LYST: variants seen among roughly 807,000 people sequenced by gnomAD.
The protein encoded by LYST is lysosomal-trafficking regulator.
In LYST, 192 loss-of-function variants were observed where a neutral mutation model predicts 413.6. The ratio of observed to expected loss-of-function variants is 0.46; its 90% CI spans 0.41 to 0.52. The LOEUF is 0.52. Ranked by LOEUF, LYST falls within the 20% of genes least tolerant of loss-of-function variation. The pLI is 0.00. For synonymous variants in LYST, 1,525 were observed against 1,567.3 expected (o/e 0.97, Z 0.64); for missense variants, 3,815 against 4,499.9 (o/e 0.85, Z 4.35).
intron 5 of LYST, among the ~76,000 whole-genome samples, chr1:235,808,215 T>G (rs1001767174): frequency 1.3e-5 from 2 of 152,164 alleles, no homozygotes; most frequent in African/African-American, 4.8e-5. Context: ...CATACATACA[T>G]AAACAAATGG....
rs1379423854 is a variant in LYST at position 235,702,791 on chromosome 1, C to T, written c.10330G>A (p.Ala3444Thr). Residue 3444 changes from alanine to threonine, a missense_variant, in exon 45 of 53, where the codon GCT (alanine) becomes ACT (threonine). Physicochemically the swap from Ala to Thr is moderately conservative, Grantham distance 58. Transcript: ENST00000389793. ...PAAVGLLVQF[A>T]FRETREQVKE... ...ACCTGTTCTCGGGTCTCCCTGAAAG[C>T]AAACTGCACTAGCAACCCCACAGCA... 5 of 1,614,068 alleles carry T rather than the reference C, an allele frequency of 3.1e-6. No homozygotes were observed. Among genetic ancestry groups the T allele is most frequent in the Admixed American group, 1.7e-5 (1 of 59,998 alleles).
rs572719078 is a variant in LYST at position 235,751,596 on chromosome 1, T to C, written c.7628-234A>G. Among the ~76,000 whole-genome samples, 6 of 152,352 alleles carry C rather than the reference T, an allele frequency of 3.9e-5. No homozygotes were observed. The South Asian group carries it at 1.2e-3, about 32-fold the overall frequency. ...AAAAATATTAGCTCATAAATTTATTTCATTTTAAAAATTGTTTCAAAGAAC... is the reference window on the plus strand; with the variant it reads ...AAAAATATTAGCTCATAAATTTATTCCATTTTAAAAATTGTTTCAAAGAAC... On this transcript the variant is annotated intron_variant, in intron 27 of 52. Transcript: ENST00000389793.
chr1:235,709,253 G>T lies in LYST; in HGVS notation c.9981C>A (p.Pro3327=). 1 of 1,614,024 alleles carries T rather than the reference G, an allele frequency of 6.2e-7. No individual in the cohort carries two copies. The highest frequency in any genetic ancestry group is 8.5e-7 in the Non-Finnish European group (1 of 1,179,996). ...GACGAGGATCATTACGCGCCCAAGG[G>T]GGAAGGTTGACGTGATTAACCCGTT... ...NGERVNHVNL[P]PWARNDPRLF... The change falls in exon 44 of 53, where the codon CCC becomes CCA. Residue 3327 remains proline (P), a synonymous_variant. Coordinates refer to ENST00000389793, the MANE Select transcript of LYST (RefSeq NM_000081.4).
chr1:235,780,287 C>T (rs1669710713), intron 16 of LYST, among the ~76,000 whole-genome samples: 1 of 151,650 alleles, frequency 6.6e-6, no homozygotes, highest in Non-Finnish European at 1.5e-5. Context: ...GACCACAGGC[C>T]CGGCCACTTG....
intron 1 of LYST, among the ~76,000 whole-genome samples, chr1:235,857,195 T>C (rs1466988718): frequency 1.3e-5 from 2 of 152,086 alleles, no homozygotes; most frequent in African/African-American, 4.8e-5. Context: ...AGAGCCATCT[T>C]AGGCAAATCA....
At chr1:235,863,225 T>C (rs1280241577) in intron 1 of LYST, among the ~76,000 whole-genome samples, 1 of 151,758 alleles carries the variant, frequency 6.6e-6, no homozygotes, top group Non-Finnish European at 1.5e-5. Context: ...ACCCCATCTC[T>C]GCTAAAAACA....
chr1:235,737,523 G>A (rs977644572), intron 31 of LYST: 1 of 152,258 alleles, frequency 6.6e-6, no homozygotes, highest in Admixed American at 6.5e-5. Context: ...GGTCTTCTTG[G>A]GAGGGAAGTT....
intron 1 of LYST, among the ~76,000 whole-genome samples, chr1:235,860,359 C>T (rs1679719876): frequency 6.6e-6 from 1 of 152,114 alleles, no homozygotes; most frequent in African/African-American, 2.4e-5. Flanking sequence ...CATTATCACC[C>T]AAAGTCCACA....
In LYST at chr1:235,809,923, A is replaced by T; in HGVS notation, c.895T>A (p.Cys299Ser). The T allele has an allele frequency of 6.2e-7, 1 of 1,614,026 alleles. No homozygotes were observed. The highest frequency in any genetic ancestry group is 8.5e-7 in the Non-Finnish European group (1 of 1,179,988). The change falls in exon 5 of 53, where the codon TGC becomes AGC. Residue 299 changes from cysteine (C) to serine (S), a missense_variant. Cys to Ser is a moderately radical substitution (Grantham distance 112). Coordinates refer to ENST00000389793, the MANE Select transcript of LYST (RefSeq NM_000081.4). This position sits in a 1 kb window ranked among gnomAD's most constrained non-coding sequence, Gnocchi z 4.0. ...TCCAAGTTGTCGCTCAGACTGCAGC[A>T]GTCCCCAAAGCCTGCTAGGAATTCA... Reference protein sequence around the residue: ...LTEFLAGFGDCCSLSDNLESR... With the variant: ...LTEFLAGFGDSCSLSDNLESR...
At position 235,697,097 on chromosome 1, in the gene LYST, T is replaced by C. The variant is rs756551414; in HGVS notation, c.10550A>G (p.Tyr3517Cys). The C allele has an allele frequency of 2.0e-5, 32 of 1,613,936 alleles. No homozygotes were observed. The highest frequency in any genetic ancestry group is 4.5e-5 in the East Asian group (2 of 44,894). The change falls in exon 46 of 53, where the codon TAT (tyrosine) becomes TGT (cysteine). Residue 3517 changes from tyrosine to cysteine, a missense_variant. Transcript: ENST00000389793. ...TTTTATTTTACCTTGTTCCTTGCTATATGTCATCAGAAGACAGAAATTCCG... is the reference window on the plus strand; with the variant it reads ...TTTTATTTTACCTTGTTCCTTGCTACATGTCATCAGAAGACAGAAATTCCG... ...LSRNFCLLMT[Y>C]SKEQGVRSMN... is the part of the protein sequence containing the mutation.
At chr1:235,793,666 A>C (rs1671259498) in intron 10 of LYST, 54 bp from the exon 11 acceptor site, 1 of 913,324 alleles carries the variant, frequency 1.1e-6, no homozygotes. Context: ...TAGAGGAATA[A>C]ATGAGCAATT....
chr1:235,798,997 G>T (rs1671895877), intron 10 of LYST, among the ~76,000 whole-genome samples: 2 of 152,136 alleles, frequency 1.3e-5, no homozygotes, highest in African/African-American at 4.8e-5. Context: ...GAATGTTATG[G>T]TATGGGAATT....
intron 17 of LYST, among the ~76,000 whole-genome samples, chr1:235,775,585 C>A (rs1669153024): frequency 6.6e-6 from 1 of 152,130 alleles, no homozygotes; most frequent in Non-Finnish European, 1.5e-5. Flanking sequence ...TATTATCATG[C>A]TAAAGGCCAA....
At chr1:235,856,598 G>GT (rs1371691525) in intron 1 of LYST, among the ~76,000 whole-genome samples, 1 of 152,122 alleles carries the variant, frequency 6.6e-6, no homozygotes, top group Non-Finnish European at 1.5e-5. Context: ...GCATAATCAG[G>GT]TTTTATCAAA....
chr1:235,676,996 G>A, intron 50 of LYST, 95 bp downstream of exon 50: 2 of 836,072 alleles, frequency 2.4e-6, no homozygotes, highest in South Asian at 1.3e-5. Context: ...ATCTGGCAGG[G>A]ACCTGAGAGA....
intron 44 of LYST, among the ~76,000 whole-genome samples, chr1:235,708,762 T>C (rs1269219526): frequency 6.6e-6 from 1 of 152,184 alleles, no homozygotes; most frequent in East Asian, 1.9e-4. Context: ...TTGTGCCTGC[T>C]TTCTCCCAGA....
At chr1:235,846,393 T>C (rs1357426948) in intron 1 of LYST, among the ~76,000 whole-genome samples, 1 of 151,902 alleles carries the variant, frequency 6.6e-6, no homozygotes, top group Non-Finnish European at 1.5e-5. Flanking sequence ...CCCTAGACCT[T>C]CCCTCTGACA....
Position 235,805,856 on chromosome 1 carries a change from G to A in LYST, c.3280C>T (p.Gln1094Ter). 1.2e-6 allele frequency: 2 copies of A among 1,613,728 alleles called. No homozygotes were observed. Among genetic ancestry groups the A allele is most frequent in the Non-Finnish European group, 1.7e-6 (2 of 1,179,878 alleles). Reference sequence around the variant, plus strand: ...CTTTGAAGTGAGGTCTCACTTTCTTGACTTGTAAATAGCTTTGCTTCCTCG... The same window carrying A: ...CTTTGAAGTGAGGTCTCACTTTCTTAACTTGTAAATAGCTTTGCTTCCTCG... ...APEEAKLFTS[Q>*]ESETSLQSIR... The change falls in exon 6 of 53, where the codon CAA (glutamine) becomes TAA (stop). Residue 1094 changes from glutamine (Q) to a stop codon, truncating the protein, a stop_gained. Coordinates refer to ENST00000389793, the MANE Select transcript of LYST (RefSeq NM_000081.4). LOFTEE classifies it high-confidence loss of function.
At chr1:235,864,124 C>T (rs549853727) in intron 1 of LYST, among the ~76,000 whole-genome samples, 1 of 152,250 alleles carries the variant, frequency 6.6e-6, no homozygotes, top group African/African-American at 2.4e-5. Flanking sequence ...ACGATCCCCA[C>T]ACTGCTGCTT....
Sources: allele counts gnomAD v4.1 joint callset (sites outside exome capture counted in the v4.1 genomes callset), GRCh38; gene constraint gnomAD v4.1.1; non-coding constraint Gnocchi (gnomAD v3.1); transcripts MANE v1.5; gene names NCBI Gene and HGNC (gene_info 2026-07-23, HGNC 2026-07-21).